OSBPL8: variants seen among roughly 807,000 people sequenced by gnomAD.
OSBPL8 encodes oxysterol-binding protein-related protein 8.
In OSBPL8, 59 loss-of-function variants were observed where a neutral mutation model predicts 125.5. That is an observed-to-expected ratio of 0.47 (90% CI 0.38 to 0.58). The LOEUF is 0.58. Among genes scored for constraint, OSBPL8 ranks in the 20% least tolerant of loss-of-function variants. The pLI is 0.00. For synonymous variants in OSBPL8, 330 were observed against 338.9 expected (o/e 0.97, Z 0.29); for missense variants, 758 against 1,047.8 (o/e 0.72, Z 3.82).
At chr12:76,460,227 A>T (rs1256399180) in intron 2 of OSBPL8, among the ~76,000 whole-genome samples, 1 of 152,200 alleles carries the variant, frequency 6.6e-6, no homozygotes, top group Non-Finnish European at 1.5e-5. Flanking sequence ...AAGATATGTT[A>T]GTAAAGGTAA....
intron 2 of OSBPL8, among the ~76,000 whole-genome samples, chr12:76,460,264 C>A (rs769101505): frequency 2.6e-5 from 4 of 151,926 alleles, no homozygotes; most frequent in African/African-American, 9.7e-5. Flanking sequence ...TAAGAGACAG[C>A]CAAGTTATGC....
At chr12:76,524,890 G>T (rs1320431404) in intron 1 of OSBPL8, among the ~76,000 whole-genome samples, 1 of 151,944 alleles carries the variant, frequency 6.6e-6, no homozygotes, top group African/African-American at 2.4e-5. Context: ...CGTCATGTTG[G>T]CCAGGCTGGT....
chr12:76,505,620 T>C (rs1054426016), intron 1 of OSBPL8, among the ~76,000 whole-genome samples: 8 of 152,070 alleles, frequency 5.3e-5, no homozygotes, highest in African/African-American at 9.7e-5. Context: ...TTAGGCTTCA[T>C]TGAAATGACT....
chr12:76,496,809 T>C (rs970869190), intron 1 of OSBPL8, among the ~76,000 whole-genome samples: 4 of 152,134 alleles, frequency 2.6e-5, no homozygotes, highest in African/African-American at 9.7e-5. Context: ...CCCAAAGTAT[T>C]AGGATTACAG....
intron 1 of OSBPL8, among the ~76,000 whole-genome samples, chr12:76,512,414 C>G (rs893606784): frequency 1.3e-5 from 2 of 152,048 alleles, no homozygotes; most frequent in Admixed American, 1.3e-4. Context: ...TTACTGTGAA[C>G]AGCCCAGCAC....
chr12:76,438,710 T>C (rs965138005), intron 4 of OSBPL8, among the ~76,000 whole-genome samples: 1 of 152,226 alleles, frequency 6.6e-6, no homozygotes, highest in Non-Finnish European at 1.5e-5. Context: ...TTTTCAAATA[T>C]GTTTTCTTTA....
chr12:76,396,929 C>T (rs1953831406), intron 8 of OSBPL8, among the ~76,000 whole-genome samples: 2 of 151,888 alleles, frequency 1.3e-5, no homozygotes, highest in Admixed American at 6.6e-5. Flanking sequence ...ATCCTCCCAC[C>T]GCAGACTCCT....
chr12:76,371,396 G>T (rs1952612706), intron 19 of OSBPL8, 52 bp downstream of exon 19: 6 of 1,491,078 alleles, frequency 4.0e-6, no homozygotes. Context: ...TTAAGGAATT[G>T]AAAAACTACT....
intron 4 of OSBPL8, among the ~76,000 whole-genome samples, chr12:76,448,887 C>G (rs1027366679): frequency 1.7e-4 from 26 of 152,230 alleles, no homozygotes; most frequent in African/African-American, 6.3e-4. Context: ...GTGGCATGCG[C>G]CTGTAATTCC....
chr12:76,356,738 C>T lies in OSBPL8; in HGVS notation c.2435-10G>A, dbSNP rs748037598. 2.6e-6 allele frequency: 4 copies of T among 1,532,938 alleles called. No individual in the cohort carries two copies. The South Asian group carries it at 4.6e-5, about 18-fold the overall frequency. 95.0% of individuals were successfully genotyped at this position (1,532,938 alleles called of 1,614,324 possible). A position where few individuals can be genotyped will look rare whatever the true frequency, so the allele number is the denominator to read the frequency against. Reference sequence around the variant, plus strand: ...GGTTTTACTGATTGAGCTAAAAAGACATTTAGAATGAAGTTGAAACTATAA... The same window carrying T: ...GGTTTTACTGATTGAGCTAAAAAGATATTTAGAATGAAGTTGAAACTATAA... On this transcript the variant is annotated splice_polypyrimidine_tract_variant and intron_variant, in intron 22 of 23. Coordinates refer to ENST00000261183, the MANE Select transcript of OSBPL8 (RefSeq NM_020841.5).
intron 1 of OSBPL8, among the ~76,000 whole-genome samples, chr12:76,511,531 G>A (rs753413927): frequency 1.6e-4 from 25 of 152,068 alleles, no homozygotes; most frequent in Non-Finnish European, 3.2e-4. Flanking sequence ...GTCTTCTTTC[G>A]AAAAGTGTCT....
chr12:76,368,763 T>C (rs1044256124), intron 21 of OSBPL8, among the ~76,000 whole-genome samples: 1 of 152,150 alleles, frequency 6.6e-6, no homozygotes, highest in Non-Finnish European at 1.5e-5. Context: ...CTTTATTGAT[T>C]TTCTCAGAGA....
At chr12:76,416,220 T>C (rs1868645798) in intron 4 of OSBPL8, among the ~76,000 whole-genome samples, 1 of 152,076 alleles carries the variant, frequency 6.6e-6, no homozygotes, top group Non-Finnish European at 1.5e-5. Context: ...AACAGAATTT[T>C]TATTGAACTT....
At chr12:76,556,075 C>T (rs1951087339) in intron 1 of OSBPL8, among the ~76,000 whole-genome samples, 1 of 152,304 alleles carries the variant, frequency 6.6e-6, no homozygotes. Flanking sequence ...CCCAAGCTAA[C>T]ATCCTTCCTT....
Position 76,557,890 on chromosome 12 carries a change from G to C in OSBPL8, c.-68+1507C>G, listed in dbSNP as rs1951156978. Among the ~76,000 whole-genome samples the C allele has an allele frequency of 2.6e-5, 4 of 152,258 alleles. No individual in the cohort carries two copies. The South Asian group carries it at 8.3e-4, about 32-fold the overall frequency. On this transcript the variant is annotated intron_variant, in intron 1 of 23. Transcript: ENST00000261183. Reference sequence around the variant, plus strand: ...CAGTAGCATCTTTCCACAGATCAGAGATTCAATAACTATTATGATTCAATC... The same window carrying C: ...CAGTAGCATCTTTCCACAGATCAGACATTCAATAACTATTATGATTCAATC...
intron 5 of OSBPL8, among the ~76,000 whole-genome samples, chr12:76,408,417 G>A (rs1592624565): frequency 7.2e-6 from 1 of 138,776 alleles, no homozygotes; most frequent in Non-Finnish European, 1.5e-5. Context: ...AGCCGAGATC[G>A]CACCACTGTA....
In OSBPL8 at chr12:76,358,744, G is replaced by A; in HGVS notation, c.2396C>T (p.Ser799Phe). The change falls in exon 22 of 24, where the codon TCC (serine) becomes TTC (phenylalanine). Residue 799 changes from serine (S) to phenylalanine (F), a missense_variant. Physicochemically the swap from Ser to Phe is radical, Grantham distance 155. Coordinates refer to ENST00000261183, the MANE Select transcript of OSBPL8 (RefSeq NM_020841.5). The stretch of plus-strand genomic sequence containing the variant: ...GGAGTCTTGAATGTCAGGTTCTGGG[G>A]AGGAATAGCCTTTTGCTACTTTCTT... Reference protein sequence around the residue: ...QQKKVAKGYSSPEPDIQDSSG... With the variant: ...QQKKVAKGYSFPEPDIQDSSG... 6.2e-7 allele frequency: 1 copy of A among 1,614,018 alleles called. No homozygotes were observed.
chr12:76,521,122 C>A (rs1346945124), intron 1 of OSBPL8, among the ~76,000 whole-genome samples: 1 of 152,200 alleles, frequency 6.6e-6, no homozygotes, highest in African/African-American at 2.4e-5. Flanking sequence ...ATCTTTCTTA[C>A]ACCCACTAAC....
chr12:76,549,076 G>A (rs957815366), intron 1 of OSBPL8, among the ~76,000 whole-genome samples: 2 of 151,324 alleles, frequency 1.3e-5, no homozygotes, highest in African/African-American at 2.4e-5. Flanking sequence ...ATTACCCCCA[G>A]GAAAATCAGC....
Sources: allele counts gnomAD v4.1 joint callset (sites outside exome capture counted in the v4.1 genomes callset), GRCh38; gene constraint gnomAD v4.1.1; transcripts MANE v1.5; gene names NCBI Gene and HGNC (gene_info 2026-07-23, HGNC 2026-07-21).